The following AK8 variants were observed in gnomAD, a reference collection of about 807,000 sequenced individuals.
AK8 encodes the protein ATP-AMP transphosphorylase 8.
AK8 carries 44 observed loss-of-function variants against 54.6 expected under a neutral mutation model. The ratio of observed to expected loss-of-function variants is 0.81; its 90% CI spans 0.63 to 1.04. AK8 has a LOEUF of 1.04. Ranked by LOEUF, AK8 falls within the 50% of genes least tolerant of loss-of-function variation. The probability of loss-of-function intolerance (pLI) is 0.00; values close to 1 mark genes in which losing one functional copy is unlikely to be tolerated. For synonymous variants in AK8, 239 were observed against 245.6 expected (o/e 0.97, Z 0.25); for missense variants, 555 against 613.6 (o/e 0.90, Z 1.01).
At chr9:132,739,202 C>A (rs1250143467) in intron 11 of AK8, among the ~76,000 whole-genome samples, 1 of 151,622 alleles carries the variant, frequency 6.6e-6, no homozygotes. Flanking sequence ...ATAATCCCAG[C>A]ACTTTGGGAG....
chr9:132,815,680 G>A (rs1025210773), intron 9 of AK8, among the ~76,000 whole-genome samples: 6 of 152,212 alleles, frequency 3.9e-5, no homozygotes, highest in East Asian at 1.9e-4. Context: ...ACTGTGTCTC[G>A]AGCCCTGAGC....
intron 11 of AK8, among the ~76,000 whole-genome samples, chr9:132,751,774 C>T (rs1001088530): frequency 6.6e-6 from 1 of 151,884 alleles, no homozygotes; most frequent in Non-Finnish European, 1.5e-5. Context: ...TGGTATATTC[C>T]ATAGAGGAAA....
At chr9:132,813,976 C>T (rs1841196531) in intron 10 of AK8, among the ~76,000 whole-genome samples, 1 of 151,968 alleles carries the variant, frequency 6.6e-6, no homozygotes, top group Non-Finnish European at 1.5e-5. Context: ...TTTTATATAC[C>T]AAATAATAAA....
intron 11 of AK8, among the ~76,000 whole-genome samples, chr9:132,734,781 A>G (rs948859249): frequency 1.3e-5 from 2 of 152,166 alleles, no homozygotes; most frequent in East Asian, 3.9e-4. Flanking sequence ...TGTAATCCCA[A>G]TAGTTTGGCA....
At chr9:132,877,897 G>A in intron 1 of AK8, 1 of 740,592 alleles carries the variant, frequency 1.4e-6, no homozygotes, top group Non-Finnish European at 2.3e-6. Context: ...AGACCATAAG[G>A]CCCGCTGGCG....
At chr9:132,864,961 T>A (rs1425744083) in intron 3 of AK8, among the ~76,000 whole-genome samples, 2 of 152,222 alleles carry the variant, frequency 1.3e-5, no homozygotes, top group East Asian at 1.9e-4. Flanking sequence ...GGATCTGTCA[T>A]CCTCATTCCC....
intron 11 of AK8, among the ~76,000 whole-genome samples, chr9:132,745,915 G>A (rs1007818549): frequency 6.6e-6 from 1 of 152,174 alleles, no homozygotes; most frequent in Non-Finnish European, 1.5e-5. Context: ...AATCAGCAGA[G>A]AAGAGCAAAT....
At chr9:132,844,798 A>G (rs1842685732) in intron 5 of AK8, among the ~76,000 whole-genome samples, 1 of 152,224 alleles carries the variant, frequency 6.6e-6, no homozygotes, top group Non-Finnish European at 1.5e-5. Flanking sequence ...CTCAAGTCCA[A>G]CCCCATGGTT....
intron 5 of AK8, among the ~76,000 whole-genome samples, chr9:132,844,539 G>A (rs530369739): frequency 6.6e-6 from 1 of 152,010 alleles, no homozygotes; most frequent in African/African-American, 2.4e-5. Flanking sequence ...TTTGGATGAG[G>A]GTTTGTTTTG....
intron 9 of AK8, 96 bp from the exon 10 acceptor site, chr9:132,814,823 A>C: frequency 9.7e-7 from 1 of 1,026,172 alleles, no homozygotes; most frequent in Non-Finnish European, 1.4e-6. Context: ...TGAGGGAAAA[A>C]AAAAAGGTCA....
intron 5 of AK8, among the ~76,000 whole-genome samples, chr9:132,831,835 G>A (rs995873546): frequency 1.3e-5 from 2 of 151,986 alleles, no homozygotes; most frequent in African/African-American, 2.4e-5. Context: ...CAGGAGGATC[G>A]CTGGATGCCA....
At chr9:132,878,954 G>T, upstream of AK8, 1 of 183,074 alleles carries the variant, frequency 5.5e-6, no homozygotes, top group Non-Finnish European at 1.0e-5. This position sits in a 1 kb window ranked among gnomAD's most constrained non-coding sequence, Gnocchi z 4.7. Flanking sequence ...CGACACTCAC[G>T]GAGTCACTCC....
At chr9:132,823,544 C>A (rs1373012428) in intron 8 of AK8, among the ~76,000 whole-genome samples, 1 of 152,208 alleles carries the variant, frequency 6.6e-6, no homozygotes, top group Non-Finnish European at 1.5e-5. Context: ...GGAGTGAAGT[C>A]CACAGAAGCC....
intron 5 of AK8, among the ~76,000 whole-genome samples, chr9:132,836,929 G>A (rs962836266): frequency 2.0e-5 from 3 of 152,224 alleles, no homozygotes; most frequent in African/African-American, 7.2e-5. Flanking sequence ...GTGGCACAAC[G>A]TCTGGCAGAT....
rs981035005 is a variant in AK8, at chr9:132,799,685, G to C, written c.980-6910C>G. Among the ~76,000 whole-genome samples, 1 of 151,722 alleles carries C rather than the reference G, an allele frequency of 6.6e-6. No homozygotes were observed. The highest frequency in any genetic ancestry group is 1.5e-5 in the Non-Finnish European group (1 of 67,968). ...CTGTATACCCACCTATCCACACATA[G>C]TACACGAAGCACACACCCTCATTAC... On this transcript the variant is annotated intron_variant, in intron 10 of 12. Transcript: ENST00000298545. This position sits in a 1 kb window ranked among gnomAD's most constrained non-coding sequence, Gnocchi z 5.0.
chr9:132,766,436 G>A (rs1838728482), intron 11 of AK8, among the ~76,000 whole-genome samples: 1 of 152,020 alleles, frequency 6.6e-6, no homozygotes, highest in Non-Finnish European at 1.5e-5. Flanking sequence ...ATTTAACCAA[G>A]GAAGTAAAAG....
chr9:132,814,552 G>A (rs1248159795), intron 10 of AK8, 86 bp downstream of exon 10: 1 of 1,306,630 alleles, frequency 7.7e-7, no homozygotes, highest in Non-Finnish European at 1.1e-6. Flanking sequence ...CCAATTTTGA[G>A]CCCCTGAATG....
At chr9:132,767,029 T>G (rs1246675659) in intron 11 of AK8, among the ~76,000 whole-genome samples, 1 of 152,130 alleles carries the variant, frequency 6.6e-6, no homozygotes, top group Admixed American at 6.5e-5. Context: ...ATAAAACTAC[T>G]AAAAGAAAAC....
At position 132,725,790 on chromosome 9, in the gene AK8, C is replaced by G; in HGVS notation, c.1338G>C (p.Leu446Phe). The G allele has an allele frequency of 6.2e-7, 1 of 1,604,068 alleles. No individual in the cohort carries two copies. The highest frequency in any genetic ancestry group is 2.2e-5 in the East Asian group (1 of 44,662). The change falls in exon 13 of 13, where the codon TTG becomes TTC. Residue 446 changes from leucine (L) to phenylalanine (F), a missense_variant. Coordinates refer to ENST00000298545, the MANE Select transcript of AK8 (RefSeq NM_152572.3). ...FYRNSADLEQ[L>F]YGSAITLNGD... ...CATTGAGGGTGATGGCCGACCCATA[C>G]AACTGCTCCAAGTCAGCTGAGTTCC...
Sources: allele counts gnomAD v4.1 joint callset (sites outside exome capture counted in the v4.1 genomes callset), GRCh38; gene constraint gnomAD v4.1.1; non-coding constraint Gnocchi (gnomAD v3.1); transcripts MANE v1.5; gene names NCBI Gene and HGNC (gene_info 2026-07-23, HGNC 2026-07-21).